Variants in LOC128462377 observed in about 807,000 individuals in gnomAD.
chr16:89,415,912 G>C, the LOC128462377 span, among the ~76,000 whole-genome samples: 3 of 149,348 alleles, frequency 2.0e-5, no homozygotes, highest in Admixed American at 6.8e-5. Flanking sequence ...GTGGGTCACG[G>C]CGCCTCTGGT....
At chr16:89,383,597 C>G in the LOC128462377 span, among the ~76,000 whole-genome samples, 1 of 152,208 alleles carries the variant, frequency 6.6e-6, no homozygotes, top group East Asian at 1.9e-4. Context: ...AGCCGAAGAG[C>G]CTCCCATGGT....
the LOC128462377 span, among the ~76,000 whole-genome samples, chr16:89,359,788 T>C: frequency 1.8e-4 from 28 of 152,360 alleles, no homozygotes; most frequent in Admixed American, 7.8e-4. Flanking sequence ...CTACATTCTA[T>C]GTGATGCAGA....
the LOC128462377 span, among the ~76,000 whole-genome samples, chr16:89,322,749 C>G: frequency 6.6e-6 from 1 of 152,126 alleles, no homozygotes. Context: ...CTTGCTCCCA[C>G]GTCGGCCCTG....
the LOC128462377 span, among the ~76,000 whole-genome samples, chr16:89,337,728 C>G: frequency 6.6e-6 from 1 of 152,200 alleles, no homozygotes; most frequent in African/African-American, 2.4e-5. Flanking sequence ...GCGTAAGCCA[C>G]TGTGCCCGGC....
At chr16:89,416,595 G>A in the LOC128462377 span, among the ~76,000 whole-genome samples, 9 of 152,028 alleles carry the variant, frequency 5.9e-5, no homozygotes, top group Admixed American at 2.0e-4. Context: ...ACTGTGCCTG[G>A]CCACTAATTG....
the LOC128462377 span, among the ~76,000 whole-genome samples, chr16:89,388,292 G>GTTTTTTT: frequency 6.6e-5 from 4 of 61,062 alleles, no homozygotes; most frequent in Admixed American, 1.7e-4. Context: ...CCATGAGGCT[G>GTTTTTTT]ATTTTTTTTT....
chr16:89,322,714 C>G, the LOC128462377 span, among the ~76,000 whole-genome samples: 1 of 152,230 alleles, frequency 6.6e-6, no homozygotes, highest in African/African-American at 2.4e-5. Flanking sequence ...GAGCTGGAAG[C>G]AGCAGTCCTG....
chr16:89,349,861 AACACACACACACACAC>A, the LOC128462377 span, among the ~76,000 whole-genome samples: 1,767 of 133,232 alleles, frequency 0.013, 15 homozygotes, highest in South Asian at 0.023. Context: ...TACTTGTTAA[AACACACACACACACAC>A]ACACACACAC....
chr16:89,364,726 G>A, the LOC128462377 span, among the ~76,000 whole-genome samples: 5 of 152,262 alleles, frequency 3.3e-5, no homozygotes, highest in African/African-American at 7.2e-5. Flanking sequence ...CATGGGCCGC[G>A]GGCTGGACAA....
At chr16:89,373,882 G>A in the LOC128462377 span, among the ~76,000 whole-genome samples, 1 of 152,218 alleles carries the variant, frequency 6.6e-6, no homozygotes, top group South Asian at 2.1e-4. Context: ...ACTTGACACA[G>A]AGGTGGGGCC....
the LOC128462377 span, among the ~76,000 whole-genome samples, chr16:89,369,784 T>C: frequency 1.3e-5 from 2 of 152,338 alleles, no homozygotes; most frequent in Middle Eastern, 6.8e-3. Context: ...GTTTCATCAA[T>C]GCCGATATAC....
chr16:89,355,070 A>G, the LOC128462377 span, among the ~76,000 whole-genome samples: 25 of 152,194 alleles, frequency 1.6e-4, no homozygotes, highest in African/African-American at 5.8e-4. Flanking sequence ...TCATCTAAAA[A>G]CATCAGAAAA....
At chr16:89,395,833 C>T in the LOC128462377 span, 1 of 152,220 alleles carries the variant, frequency 6.6e-6, no homozygotes, top group Non-Finnish European at 1.5e-5. Context: ...AGCCAGTTCA[C>T]TGGAGGACTG....
At chr16:89,396,011 G>A in the LOC128462377 span, 1 of 152,200 alleles carries the variant, frequency 6.6e-6, no homozygotes, top group South Asian at 2.1e-4. Flanking sequence ...AAGAATGACC[G>A]ACCGACATGC....
At chr16:89,337,205 A>G in the LOC128462377 span, among the ~76,000 whole-genome samples, 6 of 151,380 alleles carry the variant, frequency 4.0e-5, no homozygotes, top group African/African-American at 1.5e-4. Flanking sequence ...AAAACAAAAA[A>G]CTGCAAATTA....
At chr16:89,349,545 T>C in the LOC128462377 span, among the ~76,000 whole-genome samples, 1,200 of 152,276 alleles carry the variant, frequency 7.9e-3, 12 homozygotes, top group Admixed American at 0.013. Flanking sequence ...TGTAAAGAAA[T>C]TGAATGGCAA....
the LOC128462377 span, among the ~76,000 whole-genome samples, chr16:89,329,399 GA>G: frequency 6.6e-6 from 1 of 151,632 alleles, no homozygotes; most frequent in Admixed American, 6.6e-5. Context: ...CAGAAAAAAG[GA>G]AAAAAAAGGG....
chr16:89,393,511 A>C, the LOC128462377 span, among the ~76,000 whole-genome samples: 2 of 88,644 alleles, frequency 2.3e-5, no homozygotes, highest in Non-Finnish European at 4.7e-5. Flanking sequence ...TTTTTTTTGT[A>C]TTTTTAATAA....
At chr16:89,323,536 G>GCTGAGCCGAGGGCAGGGGGT in the LOC128462377 span, among the ~76,000 whole-genome samples, 1 of 87,382 alleles carries the variant, frequency 1.1e-5, no homozygotes, top group African/African-American at 4.8e-5. Flanking sequence ...GGGCAGGGGG[G>GCTGAGCCGAGGGCAGGGGGT]CTGAGCCGAG....
Sources: gnomAD v4.1 joint callset for allele counts (sites outside exome capture counted in the v4.1 genomes callset) on GRCh38, gnomAD v4.1.1 for gene constraint, MANE v1.5 for transcripts.